Variants in OR52A5 observed in about 807,000 individuals in gnomAD.
OR52A5 encodes olfactory receptor 52A5.
OR52A5 carries 16 observed loss-of-function variants against 18.2 expected under a neutral mutation model. The observed-to-expected ratio is 0.88, with a 90% confidence interval of 0.60 to 1.34. OR52A5 has a LOEUF of 1.34. Among genes scored for constraint, OR52A5 ranks in the 40% most tolerant of loss-of-function variants. The pLI is 0.00. For missense variants in OR52A5, 418 were observed against 383.0 expected (o/e 1.09, Z -0.76); for synonymous variants, 140 against 137.2 (o/e 1.02, Z -0.14).
rs917127126 is a variant in OR52A5, at chr11:5,132,244, T to A, written c.399A>T (p.Arg133Ser). 2.5e-6 allele frequency: 4 copies of A among 1,613,926 alleles called. No homozygotes were observed. Among genetic ancestry groups the A allele is most frequent in the Admixed American group, 3.3e-5 (2 of 59,978 alleles). The change falls in exon 2 of 2, where the codon AGA (arginine) becomes AGT (serine). Residue 133 changes from arginine (R) to serine (S), a missense_variant. Transcript: ENST00000307388. ...ACTGCTGGGAAAAGATGGTGGCATG[T>A]CTCAAGGGGATACAGATGGCCACAT... ...DRYVAICIPL[R>S]HATIFSQQFL...
rs1413441852 is a variant in OR52A5 at position 5,131,088 on chromosome 11, A to G, written c.*604T>C. 6.6e-6 allele frequency: 1 copy of G among 152,300 alleles called. No homozygotes were observed. The highest frequency in any genetic ancestry group is 2.4e-5 in the African/African-American group (1 of 41,454). 9.4% of individuals were successfully genotyped at this position (152,300 alleles called of 1,614,324 possible). On this transcript the variant is annotated 3_prime_UTR_variant, in exon 2 of 2. Coordinates refer to ENST00000307388, the MANE Select transcript of OR52A5 (RefSeq NM_001005160.3). ...AAATGTTTACTCTGTTCATTATTCA[A>G]TGTCATTTTTACTTAGATTCTAAGA...
At position 5,128,878 on chromosome 11, in the gene OR52A5, A is replaced by G. The variant is rs544854535; in HGVS notation, c.*2814T>C. On this transcript the variant is annotated 3_prime_UTR_variant, in exon 2 of 2. Transcript: ENST00000307388. Reference sequence around the variant, plus strand: ...ATATAGATTTTTTTTTAGGATGACGAAAGTATTTTCAATTAGGTAGTGATG... The same window carrying G: ...ATATAGATTTTTTTTTAGGATGACGGAAGTATTTTCAATTAGGTAGTGATG... The G allele has an allele frequency of 1.3e-5, 2 of 152,174 alleles. No homozygotes were observed. Among genetic ancestry groups the G allele is most frequent in the South Asian group, 2.1e-4 (1 of 4,826 alleles). 9.4% of individuals were successfully genotyped at this position (152,174 alleles called of 1,614,324 possible).
chr11:5,135,759 C>T (rs1846387606), intron 1 of OR52A5, among the ~76,000 whole-genome samples: 1 of 152,136 alleles, frequency 6.6e-6, no homozygotes, highest in African/African-American at 2.4e-5. Flanking sequence ...TGGAAGCACC[C>T]CTGATTTCTG....
At chr11:5,133,363 C>CAAAAAAAAAAAAAA (rs745895019) in intron 1 of OR52A5, among the ~76,000 whole-genome samples, 1 of 62,408 alleles carries the variant, frequency 1.6e-5, no homozygotes, top group Non-Finnish European at 2.9e-5. Context: ...GCGAGACTGT[C>CAAAAAAAAAAAAAA]AAAAAAAAAA....
At chr11:5,135,087 G>A (rs1033081789) in intron 1 of OR52A5, among the ~76,000 whole-genome samples, 1 of 151,942 alleles carries the variant, frequency 6.6e-6, no homozygotes, top group African/African-American at 2.4e-5. Context: ...TGTTAGCCAG[G>A]ATGGTCTCAA....
chr11:5,133,496 G>A (rs2133524391), intron 1 of OR52A5, among the ~76,000 whole-genome samples: 1 of 146,908 alleles, frequency 6.8e-6, no homozygotes, highest in South Asian at 2.1e-4. Context: ...TTTTTTCCAG[G>A]TTAGGTTTTT....
intron 1 of OR52A5, among the ~76,000 whole-genome samples, chr11:5,137,515 TC>T (rs1846402833): frequency 6.7e-6 from 1 of 149,770 alleles, no homozygotes; most frequent in African/African-American, 2.4e-5. Context: ...TCCCTCTCTC[TC>T]TTTTTTTTTT....
At chr11:5,135,002 G>A (rs1273041610) in intron 1 of OR52A5, among the ~76,000 whole-genome samples, 1 of 151,996 alleles carries the variant, frequency 6.6e-6, no homozygotes, top group African/African-American at 2.4e-5. Context: ...CCCCTCCTGA[G>A]TAGCTGGGAC....
intron 1 of OR52A5, among the ~76,000 whole-genome samples, chr11:5,137,573 G>A (rs1383892638): frequency 1.3e-5 from 2 of 150,884 alleles, no homozygotes; most frequent in East Asian, 2.0e-4. Context: ...CAGTGTCAAC[G>A]AGGTCTTCTT....
chr11:5,134,979 C>G (rs1846378225), intron 1 of OR52A5, among the ~76,000 whole-genome samples: 1 of 152,148 alleles, frequency 6.6e-6, no homozygotes, highest in African/African-American at 2.4e-5. Flanking sequence ...ACGCCATTCT[C>G]CTGCCTCAGC....
chr11:5,133,247 A>G (rs1224453044), intron 1 of OR52A5, among the ~76,000 whole-genome samples: 2 of 151,526 alleles, frequency 1.3e-5, no homozygotes, highest in Non-Finnish European at 2.9e-5. Flanking sequence ...AGGCGCCTGT[A>G]GTCCCAGCTA....
chr11:5,134,791 G>T (rs947544141), intron 1 of OR52A5, among the ~76,000 whole-genome samples: 3 of 151,870 alleles, frequency 2.0e-5, no homozygotes, highest in Non-Finnish European at 4.4e-5. Flanking sequence ...CTTGTTATAA[G>T]TAAATACACT....
chr11:5,137,500 C>G (rs572436899), intron 1 of OR52A5, among the ~76,000 whole-genome samples: 349 of 151,994 alleles, frequency 2.3e-3, no homozygotes, highest in African/African-American at 8.1e-3. Flanking sequence ...TGACAGAAAA[C>G]TCTCTCCCTC....
At chr11:5,134,595 C>T (rs1846374098) in intron 1 of OR52A5, among the ~76,000 whole-genome samples, 1 of 152,012 alleles carries the variant, frequency 6.6e-6, no homozygotes, top group Non-Finnish European at 1.5e-5. Context: ...TAATTATCTA[C>T]ATTTTGCTGA....
At chr11:5,136,976 G>A (rs1172456799) in intron 1 of OR52A5, among the ~76,000 whole-genome samples, 3 of 152,158 alleles carry the variant, frequency 2.0e-5, no homozygotes, top group Non-Finnish European at 2.9e-5. Flanking sequence ...GGGAATGAGA[G>A]CAAGGGCATA....
In OR52A5 at chr11:5,130,922, G is replaced by T. The variant is rs1798405864; in HGVS notation, c.*770C>A. On this transcript the variant is annotated 3_prime_UTR_variant, in exon 2 of 2. Coordinates refer to ENST00000307388, the MANE Select transcript of OR52A5 (RefSeq NM_001005160.3). Reference sequence around the variant, plus strand: ...ATATATTATTTCAGGTTTGCATAATGATTATTTCAAGTCTTCACCTTTCTT... The same window carrying T: ...ATATATTATTTCAGGTTTGCATAATTATTATTTCAAGTCTTCACCTTTCTT... The T allele has an allele frequency of 6.6e-6, 1 of 152,072 alleles. No homozygotes were observed. Among genetic ancestry groups the T allele is most frequent in the South Asian group, 2.1e-4 (1 of 4,830 alleles). 9.4% of individuals were successfully genotyped at this position (152,072 alleles called of 1,614,324 possible). A position where few individuals can be genotyped will look rare whatever the true frequency, so the allele number is the denominator to read the frequency against.
Position 5,129,126 on chromosome 11 carries a change from C to G in OR52A5, c.*2566G>C, listed in dbSNP as rs2133520324. On this transcript the variant is annotated 3_prime_UTR_variant, in exon 2 of 2. Transcript: ENST00000307388. ...GAGGATCATCAGCCACACAGCTATC[C>G]CGGCACTCTGCTCCATTCATTTCCG... 6.6e-6 allele frequency: 1 copy of G among 152,324 alleles called. No homozygotes were observed. Among genetic ancestry groups the G allele is most frequent in the Admixed American group, 6.5e-5 (1 of 15,278 alleles). The allele number at this position is 152,324 out of a possible 1,614,324, so 9.4% of individuals were successfully genotyped here.
intron 1 of OR52A5, among the ~76,000 whole-genome samples, chr11:5,137,942 C>A (rs1846406987): frequency 6.6e-6 from 1 of 152,182 alleles, no homozygotes; most frequent in African/African-American, 2.4e-5. Context: ...AATAACTTCA[C>A]ATATTTGATG....
rs1262812375 is a variant in OR52A5 at position 5,138,298 on chromosome 11, C to T, written c.-61+13G>A. The T allele has an allele frequency of 6.6e-6, 1 of 152,170 alleles. No homozygotes were observed. Among genetic ancestry groups the T allele is most frequent in the Non-Finnish European group, 1.5e-5 (1 of 68,020 alleles). The allele number at this position is 152,170 out of a possible 1,614,324, so 9.4% of individuals were successfully genotyped here. On this transcript the variant is annotated intron_variant, in intron 1 of 1. Transcript: ENST00000307388. ...CCCAAATACCATGCAGAATCTCAAG[C>T]TCAAAGACTTACCAGGGATATCAAT...
Sources: gnomAD v4.1 joint callset for allele counts (sites outside exome capture counted in the v4.1 genomes callset) on GRCh38, gnomAD v4.1.1 for gene constraint, MANE v1.5 for transcripts, NCBI Gene and HGNC (gene_info 2026-07-23, HGNC 2026-07-21) for gene names.